Variants in ADGRL2 observed in about 807,000 individuals in gnomAD.
The protein encoded by ADGRL2 is calcium-independent alpha-latrotoxin receptor 2.
A neutral mutation model predicts 157.4 loss-of-function variants in ADGRL2; 44 were observed. The ratio of observed to expected loss-of-function variants is 0.28; its 90% CI spans 0.22 to 0.36. The LOEUF (loss-of-function observed/expected upper bound fraction) is 0.36. Ranked by LOEUF, ADGRL2 falls within the 10% of genes least tolerant of loss-of-function variation. ADGRL2 has a pLI of 1.00. For synonymous variants in ADGRL2, 585 were observed against 624.7 expected (o/e 0.94, Z 0.95); for missense variants, 1,510 against 1,768.9 (o/e 0.85, Z 2.63).
At chr1:81,755,156 A>ATATG (rs894748721) in intron 1 of ADGRL2, among the ~76,000 whole-genome samples, 1 of 146,228 alleles carries the variant, frequency 6.8e-6, no homozygotes, top group African/African-American at 2.5e-5. Context: ...GTTTATATAT[A>ATATG]TATATATATT....
intron 1 of ADGRL2, among the ~76,000 whole-genome samples, chr1:81,324,839 C>T (rs1234747604): frequency 6.6e-6 from 1 of 152,060 alleles, no homozygotes; most frequent in East Asian, 1.9e-4. Flanking sequence ...GCTTCAGTCT[C>T]CCAGGTAGCT....
intron 3 of ADGRL2, among the ~76,000 whole-genome samples, chr1:81,633,790 A>G (rs2148768002): frequency 6.6e-6 from 1 of 152,142 alleles, no homozygotes; most frequent in African/African-American, 2.4e-5. Flanking sequence ...ATGTTTCATC[A>G]ATTAACCACT....
At chr1:81,596,266 C>A in intron 3 of ADGRL2, 1 of 575,592 alleles carries the variant, frequency 1.7e-6, no homozygotes, top group South Asian at 1.4e-5. Flanking sequence ...ATTCTCATCC[C>A]GAAATGATCC....
At chr1:81,989,948 T>G (rs1664242921) in intron 23 of ADGRL2, 1 of 985,104 alleles carries the variant, frequency 1.0e-6, no homozygotes, top group Admixed American at 6.1e-5. Flanking sequence ...GTATTGTGAC[T>G]TACTCCTTTT....
At chr1:81,775,952 G>T (rs752552221) in intron 2 of ADGRL2, among the ~76,000 whole-genome samples, 6 of 152,012 alleles carry the variant, frequency 3.9e-5, no homozygotes, top group Non-Finnish European at 5.9e-5. Flanking sequence ...AGTGATATAC[G>T]AACTAACTAC....
At chr1:81,709,777 A>T (rs2083861903) in intron 1 of ADGRL2, among the ~76,000 whole-genome samples, 2 of 152,270 alleles carry the variant, frequency 1.3e-5, no homozygotes, top group African/African-American at 2.4e-5. Context: ...ATCATTATAA[A>T]ACAATATTAA....
At chr1:81,820,268 CAGTTAT>C (rs2090850042) in intron 1 of ADGRL2, among the ~76,000 whole-genome samples, 1 of 152,114 alleles carries the variant, frequency 6.6e-6, no homozygotes, top group South Asian at 2.1e-4. Context: ...GGAACCTAAC[CAGTTAT>C]AGATTCCTTG....
At chr1:81,915,787 T>A (rs1170910837) in intron 3 of ADGRL2, among the ~76,000 whole-genome samples, 2 of 152,196 alleles carry the variant, frequency 1.3e-5, no homozygotes, top group African/African-American at 2.4e-5. Flanking sequence ...AGAAATAAGA[T>A]CAAAATCAAT....
chr1:81,986,210 G>T (rs1663099689), intron 21 of ADGRL2, among the ~76,000 whole-genome samples: 2 of 152,000 alleles, frequency 1.3e-5, no homozygotes, highest in South Asian at 4.1e-4. Context: ...CTGTTGCTTT[G>T]GTATTTTACT....
rs577803787 is a variant in ADGRL2 at position 81,668,706 on chromosome 1, G to A, written c.-143+87726G>A. ...GCCTCCTGAGTAGCTGGGATTACAG[G>A]CATGTGCCACCAGGCCCGGCTAATT... is the stretch of plus-strand genomic sequence containing the variant. On this transcript the variant is annotated intron_variant, in intron 3 of 24. Transcript: ENST00000370721. Among the ~76,000 whole-genome samples, 5 of 151,322 alleles carry A rather than the reference G, an allele frequency of 3.3e-5. No individual in the cohort carries two copies. The East Asian group carries it at 9.8e-4, about 30-fold the overall frequency.
At chr1:81,660,770 A>G (rs898159388) in intron 3 of ADGRL2, among the ~76,000 whole-genome samples, 4 of 152,202 alleles carry the variant, frequency 2.6e-5, no homozygotes, top group Non-Finnish European at 2.9e-5. Flanking sequence ...TTTTCTCTAA[A>G]TTTGTGATCA....
intron 1 of ADGRL2, among the ~76,000 whole-genome samples, chr1:81,824,814 T>G (rs1458591917): frequency 6.6e-6 from 1 of 152,150 alleles, no homozygotes; most frequent in Non-Finnish European, 1.5e-5. Flanking sequence ...GAATAAAAAA[T>G]CTTGAGTAAA....
chr1:81,704,796 T>A (rs1186736009), intron 1 of ADGRL2, among the ~76,000 whole-genome samples: 1 of 152,170 alleles, frequency 6.6e-6, no homozygotes, highest in South Asian at 2.1e-4. Context: ...CTGGAGTGTA[T>A]GTAGGGGATT....
chr1:81,723,917 G>A (rs1167040307), intron 1 of ADGRL2, among the ~76,000 whole-genome samples: 1 of 152,006 alleles, frequency 6.6e-6, no homozygotes, highest in Non-Finnish European at 1.5e-5. Context: ...TTTCCACATA[G>A]GGGAAATGAG....
At chr1:81,381,090 T>G (rs1339234975) in intron 1 of ADGRL2, among the ~76,000 whole-genome samples, 2 of 152,126 alleles carry the variant, frequency 1.3e-5, no homozygotes, top group African/African-American at 2.4e-5. Flanking sequence ...TTATATATGA[T>G]TTAGAATTTG....
rs908840120 is a variant in ADGRL2, at chr1:81,742,406, G to A, written c.-142-19405G>A. On this transcript the variant is annotated intron_variant, in intron 1 of 20. Transcript: ENST00000359929. ...AGTGGAAAAAAGAGAAAAGGAAAAAGAAGAAAACATTTCAATTTTCAAATC... is the reference window on the plus strand; with the variant it reads ...AGTGGAAAAAAGAGAAAAGGAAAAAAAAGAAAACATTTCAATTTTCAAATC... Among the ~76,000 whole-genome samples the A allele has an allele frequency of 3.3e-4, 50 of 152,036 alleles. No homozygotes were observed. In the Middle Eastern group the frequency reaches 0.01, roughly 31 times the overall value.
chr1:81,499,724 C>G (rs563028054), intron 2 of ADGRL2, among the ~76,000 whole-genome samples: 20 of 152,176 alleles, frequency 1.3e-4, no homozygotes, highest in African/African-American at 4.3e-4. Flanking sequence ...AAAAGCTTAC[C>G]ACTGCTATAA....
chr1:81,446,239 C>G (rs2101707778), intron 2 of ADGRL2, among the ~76,000 whole-genome samples: 1 of 152,268 alleles, frequency 6.6e-6, no homozygotes, highest in Admixed American at 6.5e-5. Context: ...GCGCACAGCA[C>G]AGCGTAGTTG....
chr1:81,978,099 T>A (rs1660691528), intron 17 of ADGRL2, among the ~76,000 whole-genome samples: 1 of 151,580 alleles, frequency 6.6e-6, no homozygotes, highest in African/African-American at 2.4e-5. Flanking sequence ...ACACTCTTAA[T>A]TTTTGCCTTT....
Sources: gnomAD v4.1 joint callset for allele counts (sites outside exome capture counted in the v4.1 genomes callset) on GRCh38, gnomAD v4.1.1 for gene constraint, MANE v1.5 for transcripts, NCBI Gene and HGNC (gene_info 2026-07-23, HGNC 2026-07-21) for gene names.